IL21R: variants seen among roughly 807,000 people sequenced by gnomAD.
IL21R encodes interleukin 21 receptor.
A neutral mutation model predicts 41.3 loss-of-function variants in IL21R; 14 were observed. The ratio of observed to expected loss-of-function variants is 0.34; its 90% CI spans 0.22 to 0.53. The LOEUF is 0.53. IL21R is among the 20% of genes least tolerant of loss of function. The probability of loss-of-function intolerance (pLI) is 0.94; values close to 1 mark genes in which losing one functional copy is unlikely to be tolerated. For missense variants in IL21R, 588 were observed against 681.6 expected (o/e 0.86, Z 1.53); for synonymous variants, 286 against 287.6 (o/e 0.99, Z 0.05).
intron 4 of IL21R, among the ~76,000 whole-genome samples, chr16:27,441,380 G>A (rs1043465713): frequency 3.3e-5 from 5 of 152,202 alleles, no homozygotes; most frequent in African/African-American, 9.7e-5. Flanking sequence ...ACAGAATGCC[G>A]GCTTTGACCT....
intron 4 of IL21R, among the ~76,000 whole-genome samples, chr16:27,440,598 C>A (rs751992069): frequency 2.0e-5 from 3 of 152,124 alleles, no homozygotes; most frequent in Non-Finnish European, 2.9e-5. Context: ...TTATTGAGGG[C>A]CTACTGTGCC....
Position 27,437,644 on chromosome 16 carries a change from C to G in IL21R, c.309C>G (p.Gly103=). 6.2e-7 allele frequency: 1 copy of G among 1,614,222 alleles called. No homozygotes were observed. Among genetic ancestry groups the G allele is most frequent in the Non-Finnish European group, 8.5e-7 (1 of 1,180,030 alleles). ...GTGTCAACATCACAGACCAGTCTGG[C>G]AACTACTCCCAGGAGTGTGGCAGCT... is the stretch of plus-strand genomic sequence containing the variant. The part of the protein sequence containing the change: ...IFSVNITDQS[G]NYSQECGSFL... Residue 103 remains glycine (G), a synonymous_variant, in exon 4 of 9, where the codon GGC becomes GGG. Coordinates refer to ENST00000337929, the MANE Select transcript of IL21R (RefSeq NM_181078.3).
chr16:27,448,533 G>A lies in IL21R; in HGVS notation c.868-1G>A. ...TGACTCTCTCTTTTTCTCTCTCACA[G>A]AAATGGGTGGGTGCACCCTTCACTG... On this transcript the variant is annotated splice_acceptor_variant, in intron 8 of 8. Transcript: ENST00000337929. LOFTEE classifies it high-confidence loss of function. 6.3e-7 allele frequency: 1 copy of A among 1,591,480 alleles called. No individual in the cohort carries two copies. Among genetic ancestry groups the A allele is most frequent in the Non-Finnish European group, 8.5e-7 (1 of 1,170,622 alleles).
At chr16:27,423,878 T>G (rs1169078127) in intron 1 of IL21R, among the ~76,000 whole-genome samples, 2 of 152,216 alleles carry the variant, frequency 1.3e-5, no homozygotes. Context: ...AGGTAGGGCA[T>G]GTGTTCGCTT....
In IL21R at chr16:27,440,281, CGA is replaced by C. The variant is rs1567370061; in HGVS notation, c.352+2596_352+2597del. Among the ~76,000 whole-genome samples the C allele has an allele frequency of 1.3e-3, 96 of 71,720 alleles. No individual in the cohort carries two copies. In the East Asian group the frequency reaches 0.018, roughly 14 times the overall value. 47.1% of individuals were successfully genotyped at this position (71,720 alleles called of 152,430 possible). A position where few individuals can be genotyped will look rare whatever the true frequency, so the allele number is the denominator to read the frequency against. On this transcript the variant is annotated intron_variant, in intron 4 of 8. Coordinates refer to ENST00000337929, the MANE Select transcript of IL21R (RefSeq NM_181078.3). The stretch of plus-strand genomic sequence containing the variant: ...GAGAGAGAGAGAGAGAGAGAGAGAG[CGA>C]GCAAGCGCGCGCCAGGGTGTAGCTT...
At chr16:27,423,254 T>C (rs1596576225) in intron 1 of IL21R, among the ~76,000 whole-genome samples, 3 of 152,040 alleles carry the variant, frequency 2.0e-5, no homozygotes, top group African/African-American at 7.3e-5. Flanking sequence ...TGCTTAGTAG[T>C]TGCCCTCAGT....
In IL21R at chr16:27,428,931, A is replaced by G. The variant is rs3093392; in HGVS notation, c.-16-1125A>G. Reference sequence around the variant, plus strand: ...TGGATTTATTATTCAGTAAGAAGCCAATTTATTGATGGCTGGGTGCAGTGG... The same window carrying G: ...TGGATTTATTATTCAGTAAGAAGCCGATTTATTGATGGCTGGGTGCAGTGG... On this transcript the variant is annotated intron_variant, in intron 1 of 8. Coordinates refer to ENST00000337929, the MANE Select transcript of IL21R (RefSeq NM_181078.3). 5.4e-3 allele frequency among the ~76,000 whole-genome samples: 824 copies of G among 152,338 alleles called. 2 individuals carry two copies. Among genetic ancestry groups the G allele is most frequent in the Non-Finnish European group, 9.0e-3 (610 of 68,036 alleles).
chr16:27,448,403 C>T (rs752747317), intron 8 of IL21R, 131 bp from the exon 9 acceptor site: 113 of 966,454 alleles, frequency 1.2e-4, no homozygotes, highest in South Asian at 7.3e-4. Context: ...TGCAGTGAAC[C>T]GAGATGGCAC....
At chr16:27,441,662 A>G (rs1422627708) in intron 4 of IL21R, among the ~76,000 whole-genome samples, 1 of 152,200 alleles carries the variant, frequency 6.6e-6, no homozygotes, top group Non-Finnish European at 1.5e-5. Flanking sequence ...TGGAAAATGA[A>G]TGGATTTGCC....
chr16:27,424,757 A>C (rs1398100484), intron 1 of IL21R, among the ~76,000 whole-genome samples: 1 of 152,192 alleles, frequency 6.6e-6, no homozygotes, highest in East Asian at 1.9e-4. Context: ...GTGTCAGGCC[A>C]TTCTTGCATT....
intron 8 of IL21R, among the ~76,000 whole-genome samples, chr16:27,446,651 G>A (rs2087484672): frequency 6.6e-6 from 1 of 152,076 alleles, no homozygotes; most frequent in African/African-American, 2.4e-5. Flanking sequence ...CCAGCCCAAG[G>A]AACCAGACTG....
intron 2 of IL21R, among the ~76,000 whole-genome samples, chr16:27,433,463 A>G (rs1366063278): frequency 2.0e-5 from 3 of 152,326 alleles, no homozygotes; most frequent in South Asian, 4.1e-4. Flanking sequence ...AAGAGATCCT[A>G]TCTCAAAAAG....
intron 1 of IL21R, among the ~76,000 whole-genome samples, chr16:27,418,850 G>A (rs1007313997): frequency 2.0e-5 from 3 of 150,532 alleles, no homozygotes; most frequent in African/African-American, 4.9e-5. Context: ...TATTCTAAAA[G>A]CCTTTTTATA....
At chr16:27,428,716 C>T (rs2087118170) in intron 1 of IL21R, among the ~76,000 whole-genome samples, 1 of 152,230 alleles carries the variant, frequency 6.6e-6, no homozygotes, top group South Asian at 2.1e-4. Flanking sequence ...ACTCACTCTG[C>T]TCCCCAAAGA....
At chr16:27,419,860 T>C (rs2086971627) in intron 1 of IL21R, among the ~76,000 whole-genome samples, 1 of 150,358 alleles carries the variant, frequency 6.7e-6, no homozygotes, top group Non-Finnish European at 1.5e-5. Context: ...TTATCAAGCA[T>C]TATGTACAAT....
chr16:27,439,445 C>T lies in IL21R; in HGVS notation c.352+1758C>T, dbSNP rs531117240. Among the ~76,000 whole-genome samples, 26 of 151,962 alleles carry T rather than the reference C, an allele frequency of 1.7e-4. No homozygotes were observed. The South Asian group carries it at 1.9e-3, about 11-fold the overall frequency. On this transcript the variant is annotated intron_variant, in intron 4 of 8. Coordinates refer to ENST00000337929, the MANE Select transcript of IL21R (RefSeq NM_181078.3). ...CATCACTCATACATGGGCACACACA[C>T]GCACACACTCACACATGCATTCTCA...
In IL21R at chr16:27,449,853, C is replaced by T. The variant is rs3093388; in HGVS notation, c.*570C>T. ...GGATGGAGTGAGCCCATGGTGACCT[C>T]GGGAATGGCAATTTTTTGGGCGGCC... On this transcript the variant is annotated 3_prime_UTR_variant, in exon 9 of 9. Coordinates refer to ENST00000337929, the MANE Select transcript of IL21R (RefSeq NM_181078.3). The T allele has an allele frequency of 9.6e-3, 2,252 of 233,388 alleles. 21 individuals are homozygous for T. Among genetic ancestry groups the T allele is most frequent in the South Asian group, 0.015 (84 of 5,528 alleles). The allele number at this position is 233,388 out of a possible 1,614,324, so 14.5% of individuals were successfully genotyped here. A position where few individuals can be genotyped will look rare whatever the true frequency, so the allele number is the denominator to read the frequency against.
intron 1 of IL21R, among the ~76,000 whole-genome samples, chr16:27,407,321 C>T (rs1413654575): frequency 6.6e-6 from 1 of 152,208 alleles, no homozygotes; most frequent in Non-Finnish European, 1.5e-5. Context: ...CCTCATCTTA[C>T]ACCTGCTATG....
At chr16:27,424,325 C>T (rs772887766) in intron 1 of IL21R, among the ~76,000 whole-genome samples, 30 of 152,148 alleles carry the variant, frequency 2.0e-4, no homozygotes, top group Non-Finnish European at 3.5e-4. Flanking sequence ...CCACCCACCT[C>T]GGCCTCCCAA....
Sources: gnomAD v4.1 joint callset for allele counts (sites outside exome capture counted in the v4.1 genomes callset) on GRCh38, gnomAD v4.1.1 for gene constraint, MANE v1.5 for transcripts, NCBI Gene and HGNC (gene_info 2026-07-23, HGNC 2026-07-21) for gene names.